PAM: variants seen among roughly 807,000 people sequenced by gnomAD.
The protein encoded by PAM is peptidyl-glycine alpha-amidating monooxygenase.
Under a neutral mutation model 122.1 loss-of-function variants are expected in PAM, and 72 were observed. The ratio of observed to expected loss-of-function variants is 0.59; its 90% confidence interval spans 0.49 to 0.72. The LOEUF is 0.72. PAM is among the 30% of genes least tolerant of loss of function. PAM has a pLI of 0.00. For missense variants in PAM, 1,106 were observed against 1,183.7 expected (o/e 0.93, Z 0.96); for synonymous variants, 389 against 404.4 (o/e 0.96, Z 0.46).
chr5:102,911,285 AGC>A, intron 4 of PAM, among the ~76,000 whole-genome samples: 1 of 152,086 alleles, frequency 6.6e-6, no homozygotes, highest in Non-Finnish European at 1.5e-5. Context: ...TAATATACTT[AGC>A]ATTTAAATTA....
chr5:102,891,928 TCTC>T (rs142975791), intron 3 of PAM, among the ~76,000 whole-genome samples: 2,313 of 151,992 alleles, frequency 0.015, 42 homozygotes, highest in African/African-American at 0.052. Context: ...TTTTCAGACA[TCTC>T]CTGTTCTTTC....
At chr5:102,897,432 A>G (rs1796521030) in intron 3 of PAM, among the ~76,000 whole-genome samples, 1 of 151,648 alleles carries the variant, frequency 6.6e-6, no homozygotes, top group African/African-American at 2.4e-5. Flanking sequence ...CTGTTTTAAT[A>G]TTCATATACA....
At chr5:102,993,871 G>T (rs546182711) in intron 16 of PAM, among the ~76,000 whole-genome samples, 1 of 151,938 alleles carries the variant, frequency 6.6e-6, no homozygotes. Context: ...GCATTCCTTC[G>T]TCTGACCTAG....
intron 15 of PAM, among the ~76,000 whole-genome samples, chr5:102,984,348 C>T (rs900083337): frequency 1.3e-5 from 2 of 152,152 alleles, no homozygotes; most frequent in South Asian, 4.1e-4. Context: ...AAACTCACTT[C>T]ACCTGTAAAG....
At chr5:102,851,056 C>G (rs1478922145) in intron 1 of PAM, among the ~76,000 whole-genome samples, 2 of 152,116 alleles carry the variant, frequency 1.3e-5, no homozygotes, top group Non-Finnish European at 2.9e-5. Context: ...TTGGGAAAAC[C>G]TAAAACTGAC....
At chr5:102,860,247 G>A (rs1011108172) in intron 1 of PAM, among the ~76,000 whole-genome samples, 1 of 152,170 alleles carries the variant, frequency 6.6e-6, no homozygotes, top group Admixed American at 6.5e-5. Context: ...CTGGCATGGA[G>A]CATCAGAGCC....
chr5:102,772,082 C>A (rs1755944470), intron 1 of PAM, among the ~76,000 whole-genome samples: 1 of 152,120 alleles, frequency 6.6e-6, no homozygotes, highest in African/African-American at 2.4e-5. Context: ...GAAAAACGCT[C>A]TGAGTGCCTC....
intron 4 of PAM, among the ~76,000 whole-genome samples, chr5:102,902,529 T>G (rs1798269046): frequency 1.3e-5 from 2 of 151,638 alleles, no homozygotes; most frequent in African/African-American, 2.4e-5. Flanking sequence ...AGTTCTTCTA[T>G]ATCCTGAACT....
At chr5:102,780,553 C>T (rs544837240) in intron 1 of PAM, among the ~76,000 whole-genome samples, 5 of 151,996 alleles carry the variant, frequency 3.3e-5, no homozygotes, top group South Asian at 2.1e-4. Context: ...GATGTGGTGC[C>T]GTACTTCATT....
intron 3 of PAM, among the ~76,000 whole-genome samples, chr5:102,869,216 T>C (rs1366852690): frequency 6.6e-6 from 1 of 152,224 alleles, no homozygotes; most frequent in Non-Finnish European, 1.5e-5. Context: ...AATGATTGGT[T>C]CAAAAGAAAG....
At position 102,948,430 on chromosome 5, in the gene PAM, C is replaced by T. The variant is rs772885566; in HGVS notation, c.628C>T (p.Pro210Ser). The change falls in exon 9 of 26, where the codon CCA becomes TCA. Residue 210 changes from proline to serine, a missense_variant. By Grantham distance (74) the Pro-to-Ser change is moderately conservative. Transcript: ENST00000438793. The stretch of plus-strand genomic sequence containing the variant: ...TATGATGTCTGTTGACACTGTTATC[C>T]CAGCAGGAGAAAAAGGTGAGTAATG... ...YLMMSVDTVI[P>S]AGEKVVNSDI... 5.8e-6 allele frequency: 9 copies of T among 1,561,600 alleles called. No homozygotes were observed. The highest frequency in any genetic ancestry group is 2.0e-4 in the Middle Eastern group (1 of 4,902).
intron 3 of PAM, among the ~76,000 whole-genome samples, chr5:102,889,366 TATC>T (rs1794091346): frequency 6.6e-6 from 1 of 151,952 alleles, no homozygotes; most frequent in African/African-American, 2.4e-5. Flanking sequence ...CCATAGCTCC[TATC>T]ATCTCTCATG....
At chr5:102,970,215 A>G (rs1277371877) in intron 14 of PAM, among the ~76,000 whole-genome samples, 2 of 152,226 alleles carry the variant, frequency 1.3e-5, no homozygotes, top group African/African-American at 4.8e-5. Flanking sequence ...GCCCTGCACC[A>G]TCCAATATGG....
At chr5:103,006,150 T>G (rs1422449496) in intron 18 of PAM, among the ~76,000 whole-genome samples, 1 of 152,176 alleles carries the variant, frequency 6.6e-6, no homozygotes, top group Non-Finnish European at 1.5e-5. Context: ...TTGCCCAGGC[T>G]GGTCTTGAAT....
At chr5:102,839,536 C>CAAAAAAAAA (rs34092506) in intron 1 of PAM, among the ~76,000 whole-genome samples, 1 of 81,182 alleles carries the variant, frequency 1.2e-5, no homozygotes, top group African/African-American at 3.9e-5. Flanking sequence ...GGCTCAGTCT[C>CAAAAAAAAA]AAAAAAAAAA....
chr5:102,849,295 G>A (rs1477841700), intron 1 of PAM, among the ~76,000 whole-genome samples: 2 of 152,114 alleles, frequency 1.3e-5, no homozygotes, highest in Non-Finnish European at 2.9e-5. Context: ...GGTGCCTCAC[G>A]CCTGTAATCC....
At chr5:102,813,889 G>C (rs963781824) in intron 1 of PAM, among the ~76,000 whole-genome samples, 2 of 152,196 alleles carry the variant, frequency 1.3e-5, no homozygotes, top group Admixed American at 1.3e-4. Flanking sequence ...GGAACAGATG[G>C]TAGCCATCTT....
At chr5:102,823,951 G>A (rs895535354) in intron 1 of PAM, among the ~76,000 whole-genome samples, 1 of 152,048 alleles carries the variant, frequency 6.6e-6, no homozygotes, top group Non-Finnish European at 1.5e-5. Flanking sequence ...AATACTCAAA[G>A]TTTCATTATG....
chr5:102,828,278 C>A (rs1018732082), intron 1 of PAM, among the ~76,000 whole-genome samples: 4 of 151,612 alleles, frequency 2.6e-5, no homozygotes, highest in Non-Finnish European at 5.9e-5. Context: ...GCCTAGAAGG[C>A]GGAGGTTGCA....
Sources: allele counts gnomAD v4.1 joint callset (sites outside exome capture counted in the v4.1 genomes callset), GRCh38; gene constraint gnomAD v4.1.1; transcripts MANE v1.5; gene names NCBI Gene and HGNC (gene_info 2026-07-23, HGNC 2026-07-21).